Variants in UCN3 observed in about 807,000 individuals in gnomAD.
UCN3 encodes the protein urocortin 3.
UCN3 carries 3 observed loss-of-function variants against 3.6 expected under a neutral mutation model. That is an observed-to-expected ratio of 0.83 (90% CI 0.38 to 2.15). UCN3 has a LOEUF of 2.15. Among genes scored for constraint, UCN3 ranks in the 30% most tolerant of loss-of-function variants. The probability of loss-of-function intolerance (pLI) is 0.06; values close to 1 mark genes in which losing one functional copy is unlikely to be tolerated. For synonymous variants in UCN3, 100 were observed against 93.2 expected (o/e 1.07, Z -0.42); for missense variants, 206 against 208.3 (o/e 0.99, Z 0.07).
At chr10:5,370,605 G>A (rs1484778720) in intron 1 of UCN3, among the ~76,000 whole-genome samples, 3 of 117,024 alleles carry the variant, frequency 2.6e-5, no homozygotes, top group East Asian at 6.0e-4. Context: ...GTGTGTATGC[G>A]TGTGTATATG....
chr10:5,366,131 T>G lies in UCN3; in HGVS notation c.-7+901T>G, dbSNP rs1215816275. Among the ~76,000 whole-genome samples the G allele has an allele frequency of 6.6e-6, 1 of 152,222 alleles. No individual in the cohort carries two copies. Among genetic ancestry groups the G allele is most frequent in the Non-Finnish European group, 1.5e-5 (1 of 68,040 alleles). On this transcript the variant is annotated intron_variant, in intron 1 of 1. Coordinates refer to ENST00000380433, the MANE Select transcript of UCN3 (RefSeq NM_053049.4). The surrounding 1 kb of genome is among the most constrained non-coding windows in gnomAD (Gnocchi z 4.2). ...GGCAGAGATGTGTGATCAGTACTGT[T>G]TGCCTCCTGCCTTTGCTGCTTCATG... is the stretch of plus-strand genomic sequence containing the variant.
intron 1 of UCN3, among the ~76,000 whole-genome samples, chr10:5,370,492 T>TGTGTATATGC (rs1564443070): frequency 8.6e-6 from 1 of 116,152 alleles, no homozygotes; most frequent in Admixed American, 1.0e-4. Context: ...TGTGTGTATG[T>TGTGTATATGC]GTGTGTATAT....
intron 1 of UCN3, among the ~76,000 whole-genome samples, chr10:5,370,746 A>G (rs940255846): frequency 2.3e-5 from 2 of 85,948 alleles, no homozygotes; most frequent in African/African-American, 5.2e-5. Context: ...ATGTGTGTGT[A>G]TATGATGTGT....
rs570652525 is a variant in UCN3 at position 5,371,616 on chromosome 10, G to C, written c.-6-2099G>C. 1.1e-4 allele frequency among the ~76,000 whole-genome samples: 17 copies of C among 152,188 alleles called. No homozygotes were observed. The South Asian group carries it at 1.5e-3, about 13-fold the overall frequency. On this transcript the variant is annotated intron_variant, in intron 1 of 1. Transcript: ENST00000380433. ...CCACTGCACTCATGTGTGGGAAATG[G>C]CCTCGTCAAGGCCACACTGATGAGG...
intron 1 of UCN3, among the ~76,000 whole-genome samples, chr10:5,370,284 TGC>T (rs1241220879): frequency 2.1e-5 from 2 of 94,950 alleles, no homozygotes; most frequent in African/African-American, 4.1e-5. Context: ...CGTGTGTATA[TGC>T]GTGTGTGTAT....
Position 5,365,816 on chromosome 10 carries a change from C to T in UCN3, c.-7+586C>T, listed in dbSNP as rs11253129. ...AGAAAAGTCAGAGGCAAGGGAGTTT[C>T]CCCAGCCAGGTCCTCTGCCACCAAA... On this transcript the variant is annotated intron_variant, in intron 1 of 1. Coordinates refer to ENST00000380433, the MANE Select transcript of UCN3 (RefSeq NM_053049.4). This position sits in a 1 kb window ranked among gnomAD's most constrained non-coding sequence, Gnocchi z 4.4. 0.26 allele frequency among the ~76,000 whole-genome samples: 39,064 copies of T among 152,032 alleles called. 5,227 individuals are homozygous for T. Among genetic ancestry groups the T allele is most frequent in the South Asian group, 0.34 (1,644 of 4,822 alleles).
At chr10:5,372,643 G>C (rs1831446006) in intron 1 of UCN3, among the ~76,000 whole-genome samples, 1 of 151,974 alleles carries the variant, frequency 6.6e-6, no homozygotes, top group Non-Finnish European at 1.5e-5. Context: ...TCGACCTCTG[G>C]AGCTCGAGCA....
intron 1 of UCN3, among the ~76,000 whole-genome samples, chr10:5,371,087 CAT>C (rs1348631435): frequency 2.2e-5 from 3 of 137,080 alleles, no homozygotes; most frequent in African/African-American, 8.5e-5. Context: ...TATGTGTGTG[CAT>C]GTGTATGGTT....
rs1314962993 is a variant in UCN3, at chr10:5,370,395, A to ATGTGTGTG, written c.-6-3319_-6-3318insGTGTGTGT. Reference sequence around the variant, plus strand: ...TGTATATGCGTGTATATGCGTGTGTATATGTGTGTGTATATGTGTGTGTGT... The same window carrying ATGTGTGTG: ...TGTATATGCGTGTATATGCGTGTGTATGTGTGTGTATGTGTGTGTATATGTGTGTGTGT... On this transcript the variant is annotated intron_variant, in intron 1 of 1. Transcript: ENST00000380433. Among the ~76,000 whole-genome samples, 46 of 16,928 alleles carry ATGTGTGTG rather than the reference A, an allele frequency of 2.7e-3. 15 individuals are homozygous for ATGTGTGTG. The highest frequency in any genetic ancestry group is 4.5e-3 in the Admixed American group (10 of 2,228). The allele number at this position is 16,928 out of a possible 152,430, so 11.1% of individuals were successfully genotyped here. A position where few individuals can be genotyped will look rare whatever the true frequency, so the allele number is the denominator to read the frequency against.
intron 1 of UCN3, among the ~76,000 whole-genome samples, chr10:5,372,260 C>G (rs545892571): frequency 6.6e-6 from 1 of 152,188 alleles, no homozygotes; most frequent in African/African-American, 2.4e-5. Context: ...GTCAACTCTG[C>G]CCACTTCACA....
In UCN3 at chr10:5,366,571, A is replaced by C. The variant is rs1273602172; in HGVS notation, c.-7+1341A>C. On this transcript the variant is annotated intron_variant, in intron 1 of 1. Coordinates refer to ENST00000380433, the MANE Select transcript of UCN3 (RefSeq NM_053049.4). The surrounding 1 kb of genome is among the most constrained non-coding windows in gnomAD (Gnocchi z 4.2). ...TCTTTTATCCTATAAACCCTAAACAAATCTAAACAGATCCTAAAAAGAAAA... is the reference window on the plus strand; with the variant it reads ...TCTTTTATCCTATAAACCCTAAACACATCTAAACAGATCCTAAAAAGAAAA... Among the ~76,000 whole-genome samples, 7 of 152,174 alleles carry C rather than the reference A, an allele frequency of 4.6e-5. No homozygotes were observed. The highest frequency in any genetic ancestry group is 1.7e-4 in the African/African-American group (7 of 41,414).
chr10:5,370,877 GTATA>G (rs201839970), intron 1 of UCN3, among the ~76,000 whole-genome samples: 6 of 111,932 alleles, frequency 5.4e-5, no homozygotes, highest in Admixed American at 9.0e-5. Flanking sequence ...GTATGTGTGT[GTATA>G]TGCGTGTGTA....
Position 5,370,387 on chromosome 10 carries a change from G to GTGTGTGTA in UCN3, c.-6-3328_-6-3327insTGTGTGTA, listed in dbSNP as rs1564442867. 4.1e-4 allele frequency among the ~76,000 whole-genome samples: 13 copies of GTGTGTGTA among 31,496 alleles called. 4 individuals are homozygous for GTGTGTGTA. Among genetic ancestry groups the GTGTGTGTA allele is most frequent in the Non-Finnish European group, 6.9e-4 (11 of 16,034 alleles). 20.7% of individuals were successfully genotyped at this position (31,496 alleles called of 152,430 possible). A position where few individuals can be genotyped will look rare whatever the true frequency, so the allele number is the denominator to read the frequency against. The stretch of plus-strand genomic sequence containing the variant: ...TATGCGTGTGTATATGCGTGTATAT[G>GTGTGTGTA]CGTGTGTATATGTGTGTGTATATGT... On this transcript the variant is annotated intron_variant, in intron 1 of 1. Coordinates refer to ENST00000380433, the MANE Select transcript of UCN3 (RefSeq NM_053049.4).
At chr10:5,373,404 A>C (rs1330828471) in intron 1 of UCN3, among the ~76,000 whole-genome samples, 1 of 152,220 alleles carries the variant, frequency 6.6e-6, no homozygotes, top group Non-Finnish European at 1.5e-5. Context: ...GCTGAATTAA[A>C]TAAAACCCAT....
chr10:5,369,078 A>C (rs1831295687), intron 1 of UCN3, among the ~76,000 whole-genome samples: 1 of 152,188 alleles, frequency 6.6e-6, no homozygotes, highest in Non-Finnish European at 1.5e-5. Context: ...ACATGAGTCC[A>C]AAGCACCTGA....
chr10:5,374,457 CGTTCCT>C lies in UCN3; in HGVS notation c.*252_*257del. 1 of 489,036 alleles carries C rather than the reference CGTTCCT, an allele frequency of 2.0e-6. No individual in the cohort carries two copies. The highest frequency in any genetic ancestry group is 3.7e-6 in the Non-Finnish European group (1 of 269,650). 30.3% of individuals were successfully genotyped at this position (489,036 alleles called of 1,614,324 possible). ...ACCTTCCCAGACACAAAGCAGCTAA[CGTTCCT>C]CCCTGTACTCAGCGTCTCCTTCCTC... On this transcript the variant is annotated 3_prime_UTR_variant, in exon 2 of 2. Coordinates refer to ENST00000380433, the MANE Select transcript of UCN3 (RefSeq NM_053049.4).
Position 5,366,502 on chromosome 10 carries a change from T to C in UCN3, c.-7+1272T>C, listed in dbSNP as rs1834119272. 6.6e-6 allele frequency among the ~76,000 whole-genome samples: 1 copy of C among 152,228 alleles called. No individual in the cohort carries two copies. Among genetic ancestry groups the C allele is most frequent in the South Asian group, 2.1e-4 (1 of 4,824 alleles). ...GAAACTTGCAAAATTAGACTTTATGTGGGAAGTACAGAGTATCTTTTCTTC... is the reference window on the plus strand; with the variant it reads ...GAAACTTGCAAAATTAGACTTTATGCGGGAAGTACAGAGTATCTTTTCTTC... On this transcript the variant is annotated intron_variant, in intron 1 of 1. Transcript: ENST00000380433. This position sits in a 1 kb window ranked among gnomAD's most constrained non-coding sequence, Gnocchi z 4.2.
At position 5,370,645 on chromosome 10, in the gene UCN3, ATG is replaced by A. The variant is rs201078783; in HGVS notation, c.-6-3062_-6-3061del. 2.8e-3 allele frequency among the ~76,000 whole-genome samples: 121 copies of A among 43,670 alleles called. 26 individuals carry two copies. In the East Asian group the frequency reaches 0.049, roughly 18 times the overall value. 28.6% of individuals were successfully genotyped at this position (43,670 alleles called of 152,430 possible). On this transcript the variant is annotated intron_variant, in intron 1 of 1. Coordinates refer to ENST00000380433, the MANE Select transcript of UCN3 (RefSeq NM_053049.4). ...TATATGCGTGTGTATGTGTGTGTAT[ATG>A]TGTGTGTATGTGTGTGTATGTGTGT... is the stretch of plus-strand genomic sequence containing the variant.
At chr10:5,370,131 ATG>A (rs202131919) in intron 1 of UCN3, among the ~76,000 whole-genome samples, 6 of 26,908 alleles carry the variant, frequency 2.2e-4, no homozygotes, top group Admixed American at 4.7e-4. Flanking sequence ...ATGTGTGTGT[ATG>A]TGTGTGTATG....
Sources: allele counts gnomAD v4.1 joint callset (sites outside exome capture counted in the v4.1 genomes callset), GRCh38; gene constraint gnomAD v4.1.1; non-coding constraint Gnocchi (gnomAD v3.1); transcripts MANE v1.5; gene names NCBI Gene and HGNC (gene_info 2026-07-23, HGNC 2026-07-21).